The following TMEM26 variants were observed in gnomAD, a reference collection of about 807,000 sequenced individuals.
The protein encoded by TMEM26 is transmembrane protein 26.
In TMEM26, 38 loss-of-function variants were observed where a neutral mutation model predicts 28.8. The ratio of observed to expected loss-of-function variants is 1.32; its 90% confidence interval spans 1.02 to 1.73. The LOEUF (loss-of-function observed/expected upper bound fraction) is 1.73. Ranked by LOEUF, TMEM26 falls within the 40% of genes most tolerant of loss-of-function variation. The pLI is 0.00. For missense variants in TMEM26, 518 were observed against 447.1 expected, an observed-to-expected ratio of 1.16 and a Z score of -1.43; for synonymous variants, 227 against 182.9, an observed-to-expected ratio of 1.24 and a Z score of -1.95.
chr10:61,426,289 C>A (rs1382947856), intron 4 of TMEM26, among the ~76,000 whole-genome samples: 1 of 151,986 alleles, frequency 6.6e-6, no homozygotes, highest in African/African-American at 2.4e-5. Context: ...TGACTGCAAA[C>A]TGCCACAGGA....
chr10:61,410,488 G>C lies in TMEM26; in HGVS notation c.941C>G (p.Ser314Trp), dbSNP rs1161404314. The C allele has an allele frequency of 6.2e-7, 1 of 1,614,102 alleles. No individual in the cohort carries two copies. Among genetic ancestry groups the C allele is most frequent in the African/African-American group, 1.3e-5 (1 of 75,014 alleles). ...LVVLALAVRA[S>W]LRSQSEGLKG... Reference sequence around the variant, plus strand: ...CAGGCCTTCTGACTGACTTCTCAACGAAGCACGGACTGCCAATGCCAGCAC... The same window carrying C: ...CAGGCCTTCTGACTGACTTCTCAACCAAGCACGGACTGCCAATGCCAGCAC... Residue 314 changes from serine (S) to tryptophan (W), a missense_variant, in exon 6 of 6, where the codon TCG becomes TGG. Transcript: ENST00000399298.
At chr10:61,415,234 T>C in intron 4 of TMEM26, 2 of 824,710 alleles carry the variant, frequency 2.4e-6, no homozygotes, top group Non-Finnish European at 2.9e-6. Context: ...AGATTTTCCC[T>C]AATTGTTATC....
chr10:61,431,204 T>C lies in TMEM26; in HGVS notation c.384+15A>G. The C allele has an allele frequency of 6.2e-7, 1 of 1,600,730 alleles. No homozygotes were observed. The highest frequency in any genetic ancestry group is 8.6e-7 in the Non-Finnish European group (1 of 1,168,412). On this transcript the variant is annotated intron_variant, in intron 3 of 5. Transcript: ENST00000399298. The stretch of plus-strand genomic sequence containing the variant: ...ATTTTCTAGATCCTTTAATAAACAG[T>C]GGAAAAGCTCTCACCGTCTCAATGA...
intron 1 of TMEM26, among the ~76,000 whole-genome samples, chr10:61,439,659 AC>A (rs1457559024): frequency 1.3e-5 from 2 of 152,192 alleles, no homozygotes; most frequent in Non-Finnish European, 2.9e-5. Flanking sequence ...GAAATTCACA[AC>A]CTTCCCTGAA....
intron 2 of TMEM26, among the ~76,000 whole-genome samples, chr10:61,435,813 G>T (rs139606389): frequency 1.3e-5 from 2 of 152,146 alleles, no homozygotes; most frequent in East Asian, 1.9e-4. Flanking sequence ...CCCATTCTTA[G>T]CACAACATAG....
chr10:61,424,188 T>A (rs188897004), intron 4 of TMEM26, among the ~76,000 whole-genome samples: 7 of 152,240 alleles, frequency 4.6e-5, no homozygotes, highest in Admixed American at 1.3e-4. Flanking sequence ...ATTTAAGGGA[T>A]CAAACTAATT....
intron 1 of TMEM26, among the ~76,000 whole-genome samples, chr10:61,446,817 CAAAAAAAAAAAAAAAA>C (rs34030340): frequency 7.4e-4 from 25 of 33,944 alleles, no homozygotes; most frequent in South Asian, 6.9e-3. Flanking sequence ...GACTCCATCT[CAAAAAAAAAAAAAAAA>C]AAAAAAAAAA....
chr10:61,441,097 A>G (rs1334218012), intron 1 of TMEM26, among the ~76,000 whole-genome samples: 1 of 152,000 alleles, frequency 6.6e-6, no homozygotes, highest in Non-Finnish European at 1.5e-5. Flanking sequence ...TTTTTCCCAA[A>G]TATTTTTGAT....
chr10:61,415,743 A>T (rs946525909), intron 4 of TMEM26, among the ~76,000 whole-genome samples: 128 of 152,198 alleles, frequency 8.4e-4, no homozygotes, highest in Non-Finnish European at 2.4e-4. Context: ...AATGTTCAGA[A>T]CATACCTGAA....
chr10:61,413,060 AC>A, intron 5 of TMEM26: 1 of 872,624 alleles, frequency 1.1e-6, no homozygotes. Flanking sequence ...TATGGCAGCA[AC>A]TTGCTAAGCA....
intron 4 of TMEM26, 46 bp from the exon 5 acceptor site, chr10:61,413,581 A>C (rs1008446941): frequency 3.9e-6 from 6 of 1,553,034 alleles, no homozygotes; most frequent in Non-Finnish European, 1.7e-6. Flanking sequence ...AAGTATGATC[A>C]CATGCAGAAA....
At chr10:61,420,315 G>A (rs1839722790) in intron 4 of TMEM26, among the ~76,000 whole-genome samples, 1 of 152,114 alleles carries the variant, frequency 6.6e-6, no homozygotes, top group South Asian at 2.1e-4. Context: ...AAGAACAGGA[G>A]AGGCTGGTTG....
chr10:61,447,915 T>C (rs12781268), intron 1 of TMEM26, among the ~76,000 whole-genome samples: 1 of 152,240 alleles, frequency 6.6e-6, no homozygotes, highest in African/African-American at 2.4e-5. Context: ...TGTTCACTTG[T>C]TTTCTGTTAC....
chr10:61,413,970 C>G, intron 4 of TMEM26: 5 of 986,132 alleles, frequency 5.1e-6, no homozygotes, highest in Non-Finnish European at 6.0e-6. Flanking sequence ...AAATGATGAT[C>G]AAAGATTAAA....
At position 61,440,487 on chromosome 10, in the gene TMEM26, A is replaced by G. The variant is rs116142439; in HGVS notation, c.192-4239T>C. ...GCTTGCCATTCTTCCAACTGTGTTC[A>G]TATAACAGTGTTCTTCTTCCAGTTC... On this transcript the variant is annotated intron_variant, in intron 1 of 5. Coordinates refer to ENST00000399298, the MANE Select transcript of TMEM26 (RefSeq NM_178505.8). Among the ~76,000 whole-genome samples, 1,042 of 145,734 alleles carry G rather than the reference A, an allele frequency of 7.2e-3. 13 individuals are homozygous for G. The highest frequency in any genetic ancestry group is 0.025 in the African/African-American group (991 of 39,194).
chr10:61,441,646 A>G (rs1244693532), intron 1 of TMEM26, among the ~76,000 whole-genome samples: 1 of 152,210 alleles, frequency 6.6e-6, no homozygotes, highest in Non-Finnish European at 1.5e-5. Flanking sequence ...AACTGTTTAT[A>G]AACATACAAT....
At chr10:61,419,964 G>A (rs1839716418) in intron 4 of TMEM26, among the ~76,000 whole-genome samples, 1 of 152,016 alleles carries the variant, frequency 6.6e-6, no homozygotes, top group Admixed American at 6.6e-5. Flanking sequence ...CAACAAATAA[G>A]TACAGTTGAC....
chr10:61,442,480 GATA>G (rs1462927436), intron 1 of TMEM26, among the ~76,000 whole-genome samples: 1 of 152,054 alleles, frequency 6.6e-6, no homozygotes, highest in Non-Finnish European at 1.5e-5. Context: ...TCTGAAAATG[GATA>G]ATATTTAAGT....
Position 61,410,555 on chromosome 10 carries a change from T to G in TMEM26, c.874A>C (p.Lys292Gln). The change falls in exon 6 of 6, where the codon AAG (lysine) becomes CAG (glutamine). Residue 292 changes from lysine to glutamine, a missense_variant. Transcript: ENST00000399298. ...INQMLVFFAAKNFLVVVLQLY... is the reference protein window; with the variant it reads ...INQMLVFFAAQNFLVVVLQLY... ...TGCAACACCACCACGAGGAAGTTCT[T>G]CGCGGCAAAGAACACCAGCATCTGA... 2 of 1,614,068 alleles carry G rather than the reference T, an allele frequency of 1.2e-6. No homozygotes were observed. The highest frequency in any genetic ancestry group is 1.7e-6 in the Non-Finnish European group (2 of 1,180,002).
Sources: allele counts gnomAD v4.1 joint callset (sites outside exome capture counted in the v4.1 genomes callset), GRCh38; gene constraint gnomAD v4.1.1; transcripts MANE v1.5; gene names NCBI Gene and HGNC (gene_info 2026-07-23, HGNC 2026-07-21).